GPC3: variants seen among roughly 807,000 people sequenced by gnomAD.
GPC3 encodes glypican-3.
Under a neutral mutation model 34.4 loss-of-function variants are expected in GPC3, and 3 were observed. The observed-to-expected ratio is 0.09, with a 90% CI of 0.04 to 0.23. GPC3 has a LOEUF of 0.23. Ranked by LOEUF, GPC3 falls within the 10% of genes least tolerant of loss-of-function variation. GPC3 has a pLI of 1.00. For missense variants in GPC3, 351 were observed against 445.6 expected, an observed-to-expected ratio of 0.79 and a Z score of 1.91; for synonymous variants, 177 against 174.0, an observed-to-expected ratio of 1.02 and a Z score of -0.13.
chrX:133,555,917 C>T (rs1447727156), intron 7 of GPC3, among the ~76,000 whole-genome samples: 1 of 111,794 alleles, frequency 8.9e-6, no homozygotes, highest in Non-Finnish European at 1.9e-5. Flanking sequence ...CCCCTCCTCC[C>T]AGGTTCCCCT....
At chrX:133,961,059 C>A (rs1402593114) in intron 1 of GPC3, among the ~76,000 whole-genome samples, 1 of 112,034 alleles carries the variant, frequency 8.9e-6, no homozygotes, top group Non-Finnish European at 1.9e-5. Flanking sequence ...CATTTAATTT[C>A]TCACAAATCA....
At chrX:133,808,690 G>C (rs759055675) in intron 2 of GPC3, among the ~76,000 whole-genome samples, 1 of 110,153 alleles carries the variant, frequency 9.1e-6, no homozygotes, top group East Asian at 2.8e-4. Context: ...ATCTTCATGA[G>C]ATTTTTGTGA....
At chrX:133,853,602 T>A (rs1428619865) in intron 2 of GPC3, among the ~76,000 whole-genome samples, 1 of 112,393 alleles carries the variant, frequency 8.9e-6, no homozygotes, top group East Asian at 2.8e-4. Flanking sequence ...ACATTAAGCA[T>A]CTAGATGAAT....
chrX:133,760,035 A>G (rs1484950966), intron 2 of GPC3, among the ~76,000 whole-genome samples: 1 of 112,131 alleles, frequency 8.9e-6, no homozygotes, highest in African/African-American at 3.2e-5. Flanking sequence ...CTAGAAAAAG[A>G]TATTCAATAT....
At chrX:133,754,566 C>T (rs921625413) in intron 2 of GPC3, among the ~76,000 whole-genome samples, 1 of 112,474 alleles carries the variant, frequency 8.9e-6, no homozygotes, top group African/African-American at 3.2e-5. Flanking sequence ...TATTTCAGGA[C>T]ATTTCATTTT....
At chrX:133,691,363 A>G (rs780751183) in intron 5 of GPC3, among the ~76,000 whole-genome samples, 1 of 109,919 alleles carries the variant, frequency 9.1e-6, no homozygotes, top group Non-Finnish European at 1.9e-5. Context: ...GCCAGGCATG[A>G]TGGCAGGTGC....
intron 2 of GPC3, among the ~76,000 whole-genome samples, chrX:133,869,910 A>C (rs1465754637): frequency 2.8e-4 from 32 of 112,513 alleles, no homozygotes; most frequent in Admixed American, 2.6e-3. Flanking sequence ...AGCCGAGATC[A>C]CGCCTCTGCA....
chrX:133,739,703 A>G (rs1361281459), intron 3 of GPC3, among the ~76,000 whole-genome samples: 2 of 109,225 alleles, frequency 1.8e-5, no homozygotes, highest in Non-Finnish European at 3.8e-5. Flanking sequence ...ACAAAAACAA[A>G]AACAAAACAA....
intron 2 of GPC3, among the ~76,000 whole-genome samples, chrX:133,849,890 T>C (rs1305482211): frequency 8.9e-6 from 1 of 112,074 alleles, no homozygotes; most frequent in Non-Finnish European, 1.9e-5. Flanking sequence ...TGGATCCCTC[T>C]GACTCCAAGG....
chrX:133,590,284 T>C (rs917018077), intron 7 of GPC3, among the ~76,000 whole-genome samples: 2 of 111,448 alleles, frequency 1.8e-5, no homozygotes, highest in Non-Finnish European at 3.8e-5. Context: ...CTAGAATGTA[T>C]AAATTGTTCA....
intron 3 of GPC3, among the ~76,000 whole-genome samples, chrX:133,721,632 T>A (rs1344401559): frequency 9.0e-6 from 1 of 110,921 alleles, no homozygotes; most frequent in African/African-American, 3.3e-5. Context: ...CTGAGGCCAG[T>A]ATTACCCTGA....
intron 2 of GPC3, among the ~76,000 whole-genome samples, chrX:133,803,763 C>T (rs1465274911): frequency 9.0e-6 from 1 of 111,301 alleles, no homozygotes; most frequent in Non-Finnish European, 1.9e-5. Flanking sequence ...TATCATTTAC[C>T]CTATATTACT....
chrX:133,602,209 T>TA (rs1189299178), intron 6 of GPC3, among the ~76,000 whole-genome samples: 1 of 110,937 alleles, frequency 9.0e-6, no homozygotes, highest in African/African-American at 3.3e-5. Flanking sequence ...ATGTAGGAGC[T>TA]AAAAAAAAGT....
intron 3 of GPC3, among the ~76,000 whole-genome samples, chrX:133,711,949 T>C (rs2071272679): frequency 8.9e-6 from 1 of 112,357 alleles, no homozygotes; most frequent in East Asian, 2.8e-4. Context: ...TGTGAAAATA[T>C]ATGAAGTGAA....
intron 2 of GPC3, among the ~76,000 whole-genome samples, chrX:133,776,365 C>T (rs1251513943): frequency 9.0e-6 from 1 of 111,064 alleles, no homozygotes; most frequent in Admixed American, 9.6e-5. Flanking sequence ...ACTACTTGGT[C>T]TGTCTCGTCT....
intron 7 of GPC3, among the ~76,000 whole-genome samples, chrX:133,565,768 T>C (rs1461403460): frequency 2.7e-5 from 3 of 112,468 alleles, no homozygotes; most frequent in Non-Finnish European, 5.6e-5. Context: ...TTATGCTTTT[T>C]GGTAGAACTG....
At chrX:133,642,717 A>G (rs1477964694) in intron 6 of GPC3, among the ~76,000 whole-genome samples, 1 of 100,004 alleles carries the variant, frequency 1.0e-5, no homozygotes, top group Non-Finnish European at 2.0e-5. Flanking sequence ...GGTTGCGGTG[A>G]GCTGAGATCG....
At chrX:133,840,839 G>C (rs984332717) in intron 2 of GPC3, among the ~76,000 whole-genome samples, 1 of 111,010 alleles carries the variant, frequency 9.0e-6, no homozygotes, top group African/African-American at 3.3e-5. Context: ...GTAGAGCTTT[G>C]TTTCCATCCT....
chrX:133,855,324 G>A (rs768859194), intron 2 of GPC3, among the ~76,000 whole-genome samples: 2 of 109,127 alleles, frequency 1.8e-5, no homozygotes, highest in African/African-American at 3.3e-5. Flanking sequence ...TCCTACACCC[G>A]ACTAATTTTT....
Sources: allele counts gnomAD v4.1 joint callset (sites outside exome capture counted in the v4.1 genomes callset), GRCh38; gene constraint gnomAD v4.1.1; transcripts MANE v1.5; gene names NCBI Gene and HGNC (gene_info 2026-07-23, HGNC 2026-07-21).